The following RDH13 variants were observed in gnomAD, a reference collection of about 807,000 sequenced individuals.
RDH13 encodes retinol dehydrogenase 13 (all-trans and 9-cis).
RDH13 carries 35 observed loss-of-function variants against 28.3 expected under a neutral mutation model. The ratio of observed to expected loss-of-function variants is 1.24; its 90% CI spans 0.95 to 1.64. The LOEUF (loss-of-function observed/expected upper bound fraction) is 1.64. Among genes scored for constraint, RDH13 ranks in the 40% most tolerant of loss-of-function variants. The pLI is 0.00. For synonymous variants in RDH13, 229 were observed against 198.5 expected, an observed-to-expected ratio of 1.15 and a Z score of -1.29; for missense variants, 514 against 446.3, an observed-to-expected ratio of 1.15 and a Z score of -1.37.
intron 2 of RDH13, among the ~76,000 whole-genome samples, chr19:55,057,069 C>G (rs186775187): frequency 2.0e-5 from 3 of 152,078 alleles, no homozygotes; most frequent in Admixed American, 2.0e-4. Context: ...GCAAGGATGA[C>G]CGTCAGAAAC....
upstream of RDH13, among the ~76,000 whole-genome samples, chr19:55,064,972 G>A (rs2075933319): frequency 6.7e-6 from 1 of 149,288 alleles, no homozygotes; most frequent in Non-Finnish European, 1.5e-5. Flanking sequence ...AAGACCTGAA[G>A]GTGGACGGTG....
chr19:55,045,175 C>T lies in RDH13; in HGVS notation c.895G>A (p.Glu299Lys), dbSNP rs571440646. ...DGLKQKAPAPEAEDEEVARRL... is the reference protein window; with the variant it reads ...DGLKQKAPAPKAEDEEVARRL... ...CGGGCCACCTCCTCATCCTCAGCCT[C>T]GGGGGCCGGGGCCTTCTGTTTGAGT... Residue 299 changes from glutamate to lysine, a missense_variant, in exon 7 of 7, where the codon GAG becomes AAG. Coordinates refer to ENST00000415061, the MANE Select transcript of RDH13 (RefSeq NM_001145971.2). 1.5e-5 allele frequency: 25 copies of T among 1,613,678 alleles called. No homozygotes were observed. In the East Asian group the frequency reaches 2.0e-4, roughly 13 times the overall value.
chr19:55,043,797 C>G (rs1568674950), downstream of RDH13, among the ~76,000 whole-genome samples: 1 of 152,162 alleles, frequency 6.6e-6, no homozygotes, highest in African/African-American at 2.4e-5. Context: ...AAGCTAAGAG[C>G]CCCTTCATCT....
At chr19:55,048,786 G>A (rs543364071) in intron 3 of RDH13, 23 bp from the exon 4 acceptor site, 5 of 1,596,862 alleles carry the variant, frequency 3.1e-6, no homozygotes, top group Non-Finnish European at 4.3e-6. Flanking sequence ...GGTGGAGGAG[G>A]AGACATCCCG....
chr19:55,045,477 G>A (rs2075191686), intron 6 of RDH13, among the ~76,000 whole-genome samples, 168 bp from the exon 7 acceptor site: 1 of 152,078 alleles, frequency 6.6e-6, no homozygotes, highest in Non-Finnish European at 1.5e-5. Flanking sequence ...CACTGCCCAG[G>A]CAAATCCCAC....
chr19:55,054,057 T>A (rs1266937324), intron 3 of RDH13: 1 of 152,170 alleles, frequency 6.6e-6, no homozygotes, highest in Non-Finnish European at 1.5e-5. Context: ...GGGCTCAGTA[T>A]GAATGAATGA....
At chr19:55,049,511 C>G (rs1356759854) in intron 3 of RDH13, among the ~76,000 whole-genome samples, 1 of 152,118 alleles carries the variant, frequency 6.6e-6, no homozygotes, top group South Asian at 2.1e-4. Context: ...CAGACCTGGC[C>G]GGGCACAGTG....
In RDH13 at chr19:55,048,481, A is replaced by C; in HGVS notation, c.506T>G (p.Ile169Ser). The C allele has an allele frequency of 6.2e-7, 1 of 1,614,216 alleles. No individual in the cohort carries two copies. The highest frequency in any genetic ancestry group is 8.5e-7 in the Non-Finnish European group (1 of 1,180,038). The part of the protein sequence containing the change: ...DKLKASAPSR[I>S]INLSSLAHVA... Reference sequence around the variant, plus strand: ...ATGGGCCAGGGACGAGAGGTTGATGATCCGCGAAGGGGCTGAGGCTTTCAG... The same window carrying C: ...ATGGGCCAGGGACGAGAGGTTGATGCTCCGCGAAGGGGCTGAGGCTTTCAG... Residue 169 changes from isoleucine to serine, a missense_variant, in exon 5 of 7, where the codon ATC (isoleucine) becomes AGC (serine). Physicochemically the swap from Ile to Ser is moderately radical, Grantham distance 142. Coordinates refer to ENST00000415061, the MANE Select transcript of RDH13 (RefSeq NM_001145971.2).
At chr19:55,040,987 G>A (rs2075013199), downstream of RDH13, 1 of 152,252 alleles carries the variant, frequency 6.6e-6, no homozygotes, top group Non-Finnish European at 1.5e-5. Context: ...TTAGCTGGGT[G>A]TGGTGGCGCA....
At chr19:55,043,920 C>CTTTTTT (rs1555812976), downstream of RDH13, among the ~76,000 whole-genome samples, 1 of 135,250 alleles carries the variant, frequency 7.4e-6, no homozygotes. Flanking sequence ...AAAGTCGGAA[C>CTTTTTT]TTTTTTTTTT....
At chr19:55,052,372 C>T (rs897849930) in intron 3 of RDH13, among the ~76,000 whole-genome samples, 2 of 150,410 alleles carry the variant, frequency 1.3e-5, no homozygotes, top group African/African-American at 4.9e-5. Context: ...GGAAGAAACC[C>T]CGTCTCTACT....
chr19:55,069,183 CA>C (rs1041725344), intron 1 of RDH13: 1 of 146,464 alleles, frequency 6.8e-6, no homozygotes, highest in Non-Finnish European at 1.5e-5. Flanking sequence ...AGAGAACAAA[CA>C]GCTCCCGGCC....
At chr19:55,061,781 A>C (rs1430550785) in intron 1 of RDH13, among the ~76,000 whole-genome samples, 4 of 132,342 alleles carry the variant, frequency 3.0e-5, no homozygotes, top group African/African-American at 1.1e-4. Context: ...TGACAGAGAG[A>C]CCCTGTCTCC....
downstream of RDH13, chr19:55,041,912 G>A (rs544857969): frequency 2.6e-5 from 4 of 152,316 alleles, no homozygotes; most frequent in South Asian, 6.2e-4. Flanking sequence ...CCAGAAAGAC[G>A]CTGCCGGCTT....
chr19:55,067,160 A>T (rs2075977123), upstream of RDH13: 1 of 152,430 alleles, frequency 6.6e-6, no homozygotes, highest in South Asian at 2.1e-4. Context: ...AGAAGAGAAG[A>T]AGGGAGGGAG....
intron 1 of RDH13, among the ~76,000 whole-genome samples, chr19:55,068,191 C>T (rs1390833651): frequency 6.6e-6 from 1 of 151,732 alleles, no homozygotes; most frequent in African/African-American, 2.4e-5. Context: ...CTCCCCCCAA[C>T]TCTCTCTCCC....
At position 55,044,703 on chromosome 19, in the gene RDH13, A is replaced by G. The variant is rs1349472882; in HGVS notation, c.*371T>C. 5 of 253,196 alleles carry G rather than the reference A, an allele frequency of 2.0e-5. No homozygotes were observed. The highest frequency in any genetic ancestry group is 3.7e-5 in the Non-Finnish European group (5 of 133,652). The allele number at this position is 253,196 out of a possible 1,614,324, so 15.7% of individuals were successfully genotyped here. On this transcript the variant is annotated 3_prime_UTR_variant, in exon 7 of 7. Coordinates refer to ENST00000415061, the MANE Select transcript of RDH13 (RefSeq NM_001145971.2). ...CCAAGAATCCACCAAGTGTCAGACA[A>G]CTTGCCCATGCTCTTCACGGAGCAC...
At chr19:55,049,841 G>A (rs1028894873) in intron 3 of RDH13, among the ~76,000 whole-genome samples, 4 of 151,208 alleles carry the variant, frequency 2.6e-5, no homozygotes, top group Non-Finnish European at 4.4e-5. Context: ...CCAGATCAAG[G>A]TGTGGGCAGG....
rs552569176 is a variant in RDH13 at position 55,062,616 on chromosome 19, G to T, written c.65+352C>A. Among the ~76,000 whole-genome samples, 4 of 152,342 alleles carry T rather than the reference G, an allele frequency of 2.6e-5. No individual in the cohort carries two copies. In the East Asian group the frequency reaches 5.8e-4, roughly 22 times the overall value. The stretch of plus-strand genomic sequence containing the variant: ...GATCACCTGAGCCCAGGAGGTCAAG[G>T]CTGCAGTGAGCCAAGATCGCGCCAC... On this transcript the variant is annotated intron_variant, in intron 1 of 6. Coordinates refer to ENST00000415061, the MANE Select transcript of RDH13 (RefSeq NM_001145971.2).
Sources: allele counts gnomAD v4.1 joint callset (sites outside exome capture counted in the v4.1 genomes callset), GRCh38; gene constraint gnomAD v4.1.1; transcripts MANE v1.5; gene names NCBI Gene and HGNC (gene_info 2026-07-23, HGNC 2026-07-21).